Variants in EPHA6 observed in about 807,000 individuals in gnomAD.
EPHA6 encodes ephrin type-A receptor 6.
EPHA6 carries 50 observed loss-of-function variants against 112.0 expected under a neutral mutation model. That is an observed-to-expected ratio of 0.45 (90% CI 0.36 to 0.56). The LOEUF (loss-of-function observed/expected upper bound fraction) is 0.56. Among genes scored for constraint, EPHA6 ranks in the 20% least tolerant of loss-of-function variants. The pLI is 0.00. For missense variants in EPHA6, 1,280 were observed against 1,417.4 expected (o/e 0.90, Z 1.56); for synonymous variants, 529 against 490.7 (o/e 1.08, Z -1.03).
intron 10 of EPHA6, among the ~76,000 whole-genome samples, chr3:97,494,204 A>G (rs2091921127): frequency 6.6e-6 from 1 of 152,244 alleles, no homozygotes; most frequent in Admixed American, 6.5e-5. Context: ...TTCCCTGATT[A>G]TAATGGAAAA....
intron 1 of EPHA6, among the ~76,000 whole-genome samples, chr3:96,836,019 T>C (rs2034388788): frequency 6.6e-6 from 1 of 152,124 alleles, no homozygotes; most frequent in African/African-American, 2.4e-5. Context: ...TAGGTTCTAT[T>C]TGGTTTATGT....
At chr3:97,573,708 T>C (rs1267299321) in intron 11 of EPHA6, among the ~76,000 whole-genome samples, 1 of 152,136 alleles carries the variant, frequency 6.6e-6, no homozygotes, top group Non-Finnish European at 1.5e-5. Context: ...TAGATCAAGA[T>C]ATGTTTAGCC....
At chr3:97,262,322 G>A (rs1388683131) in intron 5 of EPHA6, among the ~76,000 whole-genome samples, 1 of 151,890 alleles carries the variant, frequency 6.6e-6, no homozygotes, top group Admixed American at 6.6e-5. Flanking sequence ...AATGGCCTTT[G>A]TTCTTTCATT....
intron 5 of EPHA6, among the ~76,000 whole-genome samples, chr3:97,266,308 CA>C (rs2079680629): frequency 6.6e-6 from 1 of 152,060 alleles, no homozygotes; most frequent in Non-Finnish European, 1.5e-5. Context: ...AAAATTCTCC[CA>C]ACTAGCAGGG....
At chr3:96,959,121 A>G (rs1337554164) in intron 2 of EPHA6, among the ~76,000 whole-genome samples, 2 of 152,182 alleles carry the variant, frequency 1.3e-5, no homozygotes, top group Admixed American at 1.3e-4. Flanking sequence ...TTACATTCCC[A>G]CCAGAAATGC....
chr3:96,904,672 G>A (rs2038830103), intron 2 of EPHA6, among the ~76,000 whole-genome samples: 1 of 151,504 alleles, frequency 6.6e-6, no homozygotes, highest in Admixed American at 6.6e-5. Flanking sequence ...AAATTCTCAG[G>A]GAGACTGCAT....
intron 1 of EPHA6, among the ~76,000 whole-genome samples, chr3:96,827,295 T>C (rs1455239569): frequency 6.6e-6 from 1 of 152,136 alleles, no homozygotes; most frequent in African/African-American, 2.4e-5. Flanking sequence ...CTGGGATGAC[T>C]CTCCATGTGA....
At chr3:96,984,806 G>A (rs1383474270) in intron 2 of EPHA6, among the ~76,000 whole-genome samples, 2 of 152,200 alleles carry the variant, frequency 1.3e-5, no homozygotes, top group Admixed American at 6.5e-5. Flanking sequence ...AGACTGCTGT[G>A]CTAGCAATGA....
chr3:97,265,800 A>G (rs2079660435), intron 5 of EPHA6, among the ~76,000 whole-genome samples: 1 of 152,206 alleles, frequency 6.6e-6, no homozygotes, highest in Non-Finnish European at 1.5e-5. Context: ...TTCCTGTTGC[A>G]GCCGGCGCAA....
At chr3:97,183,036 C>G (rs566963964) in intron 3 of EPHA6, among the ~76,000 whole-genome samples, 3 of 151,912 alleles carry the variant, frequency 2.0e-5, no homozygotes, top group African/African-American at 7.2e-5. Context: ...ACTTTGTTTT[C>G]AAGATTATTT....
At position 97,392,107 on chromosome 3, in the gene EPHA6, T is replaced by G. The variant is rs566558566; in HGVS notation, c.1607-13043T>G. 2.0e-5 allele frequency among the ~76,000 whole-genome samples: 3 copies of G among 151,874 alleles called. No homozygotes were observed. In the South Asian group the frequency reaches 6.2e-4, roughly 31 times the overall value. On this transcript the variant is annotated intron_variant, in intron 5 of 17. Transcript: ENST00000389672. ...GAAGAATAAGCCACATATATTACTTTATAGTTACAGCTTATAAATATATTC... is the reference window on the plus strand; with the variant it reads ...GAAGAATAAGCCACATATATTACTTGATAGTTACAGCTTATAAATATATTC...
chr3:97,507,783 G>C (rs933929278), intron 10 of EPHA6, among the ~76,000 whole-genome samples: 1 of 151,394 alleles, frequency 6.6e-6, no homozygotes, highest in African/African-American at 2.5e-5. Context: ...CTGTGAATCT[G>C]TCTGGTCCTG....
chr3:96,828,918 T>C (rs2033837389), intron 1 of EPHA6, among the ~76,000 whole-genome samples: 1 of 152,208 alleles, frequency 6.6e-6, no homozygotes, highest in African/African-American at 2.4e-5. Context: ...TTTCCATTTT[T>C]GAATGGCAAT....
At position 97,716,574 on chromosome 3, in the gene EPHA6, CAA is replaced by C. The variant is rs1218426459; in HGVS notation, c.2785-3664_2785-3663del. Among the ~76,000 whole-genome samples the C allele has an allele frequency of 1.3e-4, 5 of 37,258 alleles. No individual in the cohort carries two copies. The East Asian group carries it at 2.5e-3, about 19-fold the overall frequency. 24.4% of individuals were successfully genotyped at this position (37,258 alleles called of 152,430 possible). A position where few individuals can be genotyped will look rare whatever the true frequency, so the allele number is the denominator to read the frequency against. The stretch of plus-strand genomic sequence containing the variant: ...CGGGCGACAGAGCGAGACTCCGTCT[CAA>C]AAAAAAAAAAAAAAAAAAAAAAGAA... On this transcript the variant is annotated intron_variant, in intron 14 of 17. Transcript: ENST00000389672.
At chr3:96,897,630 A>T (rs953007820) in intron 2 of EPHA6, among the ~76,000 whole-genome samples, 2 of 152,224 alleles carry the variant, frequency 1.3e-5, no homozygotes, top group Admixed American at 1.3e-4. Context: ...CCCTGAGCAG[A>T]TGTTAACAAG....
intron 6 of EPHA6, among the ~76,000 whole-genome samples, chr3:97,428,467 T>C (rs1398029238): frequency 6.6e-6 from 1 of 152,214 alleles, no homozygotes; most frequent in Non-Finnish European, 1.5e-5. Flanking sequence ...GCTTATATCA[T>C]GGATCTAGTC....
chr3:97,699,117 G>C (rs529996997), intron 14 of EPHA6, among the ~76,000 whole-genome samples: 1 of 152,188 alleles, frequency 6.6e-6, no homozygotes, highest in South Asian at 2.1e-4. Context: ...GCATATAGAC[G>C]AGCAGGGTTC....
chr3:97,512,087 AT>A (rs1043991767), intron 10 of EPHA6, among the ~76,000 whole-genome samples: 1 of 152,160 alleles, frequency 6.6e-6, no homozygotes, highest in African/African-American at 2.4e-5. Flanking sequence ...ACAAACTGAG[AT>A]TTTACCTAAA....
chr3:97,164,411 C>T (rs2076488993), intron 3 of EPHA6, among the ~76,000 whole-genome samples: 1 of 152,062 alleles, frequency 6.6e-6, no homozygotes, highest in African/African-American at 2.4e-5. Context: ...TTACATATCT[C>T]ATTTTATTTC....
Sources: allele counts gnomAD v4.1 joint callset (sites outside exome capture counted in the v4.1 genomes callset), GRCh38; gene constraint gnomAD v4.1.1; transcripts MANE v1.5; gene names NCBI Gene and HGNC (gene_info 2026-07-23, HGNC 2026-07-21).